The following OPCML variants were observed in gnomAD, a reference collection of about 807,000 sequenced individuals.
OPCML encodes opioid-binding protein/cell adhesion molecule.
In OPCML, 13 loss-of-function variants were observed where a neutral mutation model predicts 37.8. That is an observed-to-expected ratio of 0.34 (90% CI 0.22 to 0.55). The LOEUF (loss-of-function observed/expected upper bound fraction) is 0.55, where lower values mean the gene tolerates loss of function less well. OPCML is among the 20% of genes least tolerant of loss of function. OPCML has a pLI of 0.91. For synonymous variants in OPCML, 176 were observed against 168.8 expected (o/e 1.04, Z -0.33); for missense variants, 341 against 435.6 (o/e 0.78, Z 1.93).
chr11:132,928,665 A>G (rs1315073691), intron 2 of OPCML, among the ~76,000 whole-genome samples: 2 of 152,024 alleles, frequency 1.3e-5, no homozygotes, highest in African/African-American at 4.8e-5. Context: ...AAGGCAGAAA[A>G]CACATTTTTC....
chr11:133,005,864 G>A (rs563021330), intron 1 of OPCML: 3 of 985,250 alleles, frequency 3.0e-6, no homozygotes, highest in African/African-American at 3.5e-5. Flanking sequence ...TTTTTAATTT[G>A]CACTTAATTG....
At chr11:132,823,667 T>C (rs1272741002) in intron 2 of OPCML, among the ~76,000 whole-genome samples, 1 of 152,154 alleles carries the variant, frequency 6.6e-6, no homozygotes, top group Non-Finnish European at 1.5e-5. Context: ...ATATTTTTTG[T>C]TCTGTTTCAC....
intron 1 of OPCML, among the ~76,000 whole-genome samples, chr11:132,984,711 A>G (rs1324142697): frequency 2.0e-5 from 3 of 152,108 alleles, no homozygotes; most frequent in African/African-American, 7.2e-5. Flanking sequence ...TGCTGATTGG[A>G]CCCCAGACAG....
chr11:132,563,548 G>T (rs931402292), intron 3 of OPCML, among the ~76,000 whole-genome samples: 2 of 149,794 alleles, frequency 1.3e-5, no homozygotes, highest in Non-Finnish European at 3.0e-5. Flanking sequence ...CCCAACACTG[G>T]GAATGTACTA....
At chr11:133,476,537 G>T (rs1434448305) in intron 1 of OPCML, among the ~76,000 whole-genome samples, 1 of 152,122 alleles carries the variant, frequency 6.6e-6, no homozygotes, top group African/African-American at 2.4e-5. Context: ...CAGTAGGAAA[G>T]AAGTCACAGG....
intron 1 of OPCML, among the ~76,000 whole-genome samples, chr11:133,440,801 T>A (rs1305415690): frequency 8.4e-6 from 1 of 118,946 alleles, no homozygotes; most frequent in Middle Eastern, 3.4e-3. Context: ...TGTGTGTGTG[T>A]GAGTGTGTAT....
At chr11:132,877,029 A>G (rs900313499) in intron 2 of OPCML, among the ~76,000 whole-genome samples, 3 of 152,252 alleles carry the variant, frequency 2.0e-5, no homozygotes, top group African/African-American at 7.2e-5. Context: ...GCTTTGCCTC[A>G]GAATTCTCTA....
chr11:133,057,202 A>G (rs1033808678), intron 1 of OPCML, among the ~76,000 whole-genome samples: 3 of 152,200 alleles, frequency 2.0e-5, no homozygotes, highest in Middle Eastern at 3.4e-3. Context: ...TCTGTTCCTT[A>G]GATGTAGGTA....
intron 1 of OPCML, among the ~76,000 whole-genome samples, chr11:132,947,614 A>C (rs1156355305): frequency 6.6e-6 from 1 of 152,194 alleles, no homozygotes; most frequent in Non-Finnish European, 1.5e-5. Context: ...GCATTTATAG[A>C]ATATAAGGCT....
chr11:132,443,849 C>CT (rs1262274381), intron 4 of OPCML, among the ~76,000 whole-genome samples: 1 of 152,220 alleles, frequency 6.6e-6, no homozygotes. Context: ...TATCACTCAT[C>CT]TTTCTTTCCC....
At chr11:132,654,265 G>A (rs1424081867) in intron 3 of OPCML, among the ~76,000 whole-genome samples, 1 of 152,212 alleles carries the variant, frequency 6.6e-6, no homozygotes, top group African/African-American at 2.4e-5. Context: ...CTCCTTCTCT[G>A]TGGCCTCTCA....
intron 1 of OPCML, among the ~76,000 whole-genome samples, chr11:133,158,237 T>A (rs1950090972): frequency 6.6e-6 from 1 of 152,184 alleles, no homozygotes; most frequent in African/African-American, 2.4e-5. Context: ...ATTCCTGAAA[T>A]GAAGTCCTCT....
At chr11:132,505,332 T>G (rs999445761) in intron 4 of OPCML, among the ~76,000 whole-genome samples, 15 of 152,180 alleles carry the variant, frequency 9.9e-5, no homozygotes, top group African/African-American at 3.4e-4. Context: ...GCAGTGTGAA[T>G]GTACTCAATT....
chr11:133,014,058 T>C (rs2136882647), intron 1 of OPCML, among the ~76,000 whole-genome samples: 1 of 152,318 alleles, frequency 6.6e-6, no homozygotes, highest in East Asian at 1.9e-4. Context: ...TTTACATTCT[T>C]ATCTACTGGA....
rs2120610763 is a variant in OPCML, at chr11:133,509,767, T to C, written c.61+22497A>G. Among the ~76,000 whole-genome samples the C allele has an allele frequency of 2.0e-5, 3 of 152,320 alleles. No homozygotes were observed. The Middle Eastern group carries it at 0.01, about 518-fold the overall frequency. ...TAGCTAACCTGCTTAGGTAGCTGTT[T>C]CTGTTAGGTGGATCACTCATTTACT... On this transcript the variant is annotated intron_variant, in intron 1 of 7. Coordinates refer to ENST00000524381, the MANE Select transcript of OPCML (RefSeq NM_001012393.5).
chr11:133,099,434 CTTTTTTTCTTTTTTT>C (rs1451141509), intron 1 of OPCML, among the ~76,000 whole-genome samples: 2,202 of 119,090 alleles, frequency 0.018, 45 homozygotes, highest in African/African-American at 0.057. Flanking sequence ...GGCTAATTTT[CTTTTTTTCTTTTTTT>C]TTTTTTTTTT....
intron 1 of OPCML, among the ~76,000 whole-genome samples, chr11:133,240,568 A>G (rs1335094567): frequency 6.6e-6 from 1 of 152,224 alleles, no homozygotes; most frequent in Non-Finnish European, 1.5e-5. Flanking sequence ...TCAGAGGCAC[A>G]AAACCCCAAC....
intron 4 of OPCML, among the ~76,000 whole-genome samples, chr11:132,470,621 A>C (rs1324930680): frequency 6.6e-6 from 1 of 152,226 alleles, no homozygotes; most frequent in Non-Finnish European, 1.5e-5. Flanking sequence ...TAATAATAGC[A>C]GCAGTGGAAG....
intron 1 of OPCML, among the ~76,000 whole-genome samples, chr11:133,519,843 GC>G (rs1344502105): frequency 1.3e-5 from 2 of 152,128 alleles, no homozygotes; most frequent in Non-Finnish European, 2.9e-5. Context: ...GTGTCTAATT[GC>G]CTTCTAAAGT....
Sources: allele counts gnomAD v4.1 joint callset (sites outside exome capture counted in the v4.1 genomes callset), GRCh38; gene constraint gnomAD v4.1.1; transcripts MANE v1.5; gene names NCBI Gene and HGNC (gene_info 2026-07-23, HGNC 2026-07-21).